Variants in PIK3C2G observed in about 807,000 individuals in gnomAD.
The protein encoded by PIK3C2G is phosphatidylinositol-4-phosphate 3-kinase catalytic subunit type 2 gamma.
PIK3C2G carries 168 observed loss-of-function variants against 181.1 expected under a neutral mutation model. The ratio of observed to expected loss-of-function variants is 0.93; its 90% CI spans 0.82 to 1.05. The LOEUF is 1.05. Among genes scored for constraint, PIK3C2G ranks in the 50% least tolerant of loss-of-function variants. The pLI is 0.00. For synonymous variants in PIK3C2G, 573 were observed against 592.2 expected (o/e 0.97, Z 0.47); for missense variants, 1,869 against 1,732.8 (o/e 1.08, Z -1.40).
At chr12:18,415,344 T>C (rs1945115328) in intron 16 of PIK3C2G, among the ~76,000 whole-genome samples, 1 of 152,210 alleles carries the variant, frequency 6.6e-6, no homozygotes, top group African/African-American at 2.4e-5. Flanking sequence ...TGATCAGCGA[T>C]TGCTGATGTT....
At chr12:18,487,053 A>C (rs1940109571) in intron 18 of PIK3C2G, among the ~76,000 whole-genome samples, 1 of 151,520 alleles carries the variant, frequency 6.6e-6, no homozygotes, top group Admixed American at 6.6e-5. Flanking sequence ...GTATCAATAG[A>C]GAATATTTTA....
At chr12:18,688,675 A>G in the PIK3C2G span, among the ~76,000 whole-genome samples, 4 of 151,982 alleles carry the variant, frequency 2.6e-5, no homozygotes. Context: ...GTTATTTCAT[A>G]TGTATATTAG....
At chr12:18,557,438 T>C (rs117869305) in intron 26 of PIK3C2G, among the ~76,000 whole-genome samples, 15 of 152,010 alleles carry the variant, frequency 9.9e-5, no homozygotes, top group African/African-American at 3.1e-4. Flanking sequence ...ATACAGAAAG[T>C]GTAGTTAATA....
chr12:18,482,924 C>T (rs773798495), intron 18 of PIK3C2G, among the ~76,000 whole-genome samples: 1 of 152,170 alleles, frequency 6.6e-6, no homozygotes, highest in Admixed American at 6.6e-5. Context: ...CCTGATAACC[C>T]TTGAAGAGTT....
chr12:18,706,225 C>T, the PIK3C2G span, among the ~76,000 whole-genome samples: 2 of 150,086 alleles, frequency 1.3e-5, no homozygotes, highest in African/African-American at 4.9e-5. Context: ...GAATGAGACT[C>T]TGTCTCAAAA....
At chr12:18,707,204 T>A in the PIK3C2G span, among the ~76,000 whole-genome samples, 1 of 152,302 alleles carries the variant, frequency 6.6e-6, no homozygotes, top group African/African-American at 2.4e-5. Flanking sequence ...TAAAACAACA[T>A]TTACAAGTTC....
At chr12:18,387,637 C>A (rs993434342) in intron 14 of PIK3C2G, among the ~76,000 whole-genome samples, 5 of 152,112 alleles carry the variant, frequency 3.3e-5, no homozygotes, top group Non-Finnish European at 7.3e-5. Flanking sequence ...CCACTCTTCT[C>A]ACACCAAGCA....
At chr12:18,698,069 G>A in the PIK3C2G span, among the ~76,000 whole-genome samples, 1 of 151,754 alleles carries the variant, frequency 6.6e-6, no homozygotes, top group Non-Finnish European at 1.5e-5. Context: ...TGAACAACAT[G>A]AGGACCTGTC....
chr12:18,607,205 G>T (rs779715270), intron 30 of PIK3C2G: 2 of 514,152 alleles, frequency 3.9e-6, no homozygotes, highest in South Asian at 2.8e-5. Context: ...GACAAAAATG[G>T]TTAACAAAAT....
intron 5 of PIK3C2G, among the ~76,000 whole-genome samples, chr12:18,310,183 T>G (rs981393868): frequency 2.0e-5 from 3 of 151,898 alleles, no homozygotes; most frequent in Admixed American, 1.3e-4. Flanking sequence ...AGTTTTTCTT[T>G]GACTCTAAGA....
Position 18,488,456 on chromosome 12 carries a change from A to C in PIK3C2G, c.2512A>C (p.Lys838Gln). 6.6e-7 allele frequency: 1 copy of C among 1,510,020 alleles called. No individual in the cohort carries two copies. The highest frequency in any genetic ancestry group is 1.3e-5 in the South Asian group (1 of 76,246). 93.5% of individuals were successfully genotyped at this position (1,510,020 alleles called of 1,614,324 possible). A position where few individuals can be genotyped will look rare whatever the true frequency, so the allele number is the denominator to read the frequency against. The change falls in exon 19 of 33, where the codon AAA (lysine) becomes CAA (glutamine). Residue 838 changes from lysine to glutamine, a missense_variant. Lys to Gln is a moderately conservative substitution (Grantham distance 53). Coordinates refer to ENST00000538779, the MANE Select transcript of PIK3C2G (RefSeq NM_001288772.2). ...QVAHRLYWLL[K>Q]NAENEAYFKS... ...TCTCTCTCTTTCCTTCAGGCTGCTA[A>C]AAAATGCAGAAAATGAAGCTTATTT...
chr12:18,299,065 C>A (rs560869472), intron 5 of PIK3C2G, among the ~76,000 whole-genome samples: 2 of 151,870 alleles, frequency 1.3e-5, no homozygotes, highest in Admixed American at 6.6e-5. Flanking sequence ...TTTTTGGATT[C>A]TTTTTCTATT....
At chr12:18,393,610 GT>G (rs1943676548) in intron 15 of PIK3C2G, among the ~76,000 whole-genome samples, 1 of 152,012 alleles carries the variant, frequency 6.6e-6, no homozygotes, top group Non-Finnish European at 1.5e-5. Context: ...AACAATATAT[GT>G]TCTAAAATAG....
rs892095861 is a variant in PIK3C2G at position 18,621,502 on chromosome 12, TTCG to T, written c.4182+11876_4182+11878del. On this transcript the variant is annotated intron_variant, in intron 31 of 32. Transcript: ENST00000538779. ...CTGTGACTTCTGTCCAGTTGATAAC[TTCG>T]TCAAGTCAAAGATTAAATATGTATA... Among the ~76,000 whole-genome samples the T allele has an allele frequency of 5.3e-5, 8 of 151,950 alleles. No homozygotes were observed. The East Asian group carries it at 5.8e-4, about 11-fold the overall frequency.
chr12:18,404,491 G>A (rs1246611404), intron 16 of PIK3C2G, among the ~76,000 whole-genome samples: 1 of 152,112 alleles, frequency 6.6e-6, no homozygotes, highest in South Asian at 2.1e-4. Flanking sequence ...AGTACTCTAC[G>A]AGCCCAAAGG....
chr12:18,491,602 G>C (rs1057241586), intron 20 of PIK3C2G, 44 bp downstream of exon 20: 17 of 1,099,228 alleles, frequency 1.5e-5, no homozygotes, highest in Admixed American at 1.1e-4. Flanking sequence ...TTTCTGTTTT[G>C]TATAGTTTAG....
intron 1 of PIK3C2G, among the ~76,000 whole-genome samples, chr12:18,249,091 G>A (rs529712142): frequency 6.6e-6 from 1 of 151,976 alleles, no homozygotes; most frequent in African/African-American, 2.4e-5. Context: ...CTCTTCCTAT[G>A]GCATTTGCTC....
chr12:18,709,400 T>C, the PIK3C2G span, among the ~76,000 whole-genome samples: 2 of 152,296 alleles, frequency 1.3e-5, no homozygotes, highest in East Asian at 3.9e-4. Flanking sequence ...CACAGGACCA[T>C]GCTGTATTGA....
intron 24 of PIK3C2G, among the ~76,000 whole-genome samples, chr12:18,513,280 G>T (rs1942328697): frequency 1.3e-5 from 2 of 151,576 alleles, no homozygotes; most frequent in Admixed American, 6.6e-5. Flanking sequence ...GTGCTTTTCT[G>T]GGTTTGATAT....
Sources: gnomAD v4.1 joint callset for allele counts (sites outside exome capture counted in the v4.1 genomes callset) on GRCh38, gnomAD v4.1.1 for gene constraint, MANE v1.5 for transcripts, NCBI Gene and HGNC (gene_info 2026-07-23, HGNC 2026-07-21) for gene names.